The following ICE1 variants were observed in gnomAD, a reference collection of about 807,000 sequenced individuals.
ICE1 encodes interactor of little elongation complex ELL subunit 1.
Under a neutral mutation model 192.7 loss-of-function variants are expected in ICE1, and 64 were observed. The observed-to-expected ratio is 0.33, with a 90% CI of 0.27 to 0.41. The LOEUF (loss-of-function observed/expected upper bound fraction) is 0.41, where lower values mean the gene tolerates loss of function less well. ICE1 is among the 10% of genes least tolerant of loss of function. The pLI, the probability that ICE1 is intolerant of heterozygous loss-of-function variation, is 1.00. For synonymous variants in ICE1, 1,010 were observed against 984.5 expected, an observed-to-expected ratio of 1.03 and a Z score of -0.49; for missense variants, 2,708 against 2,696.0, an observed-to-expected ratio of 1.00 and a Z score of -0.10.
intron 4 of ICE1, 75 bp downstream of exon 4, chr5:5,439,988 A>C (rs559012764): frequency 9.6e-7 from 1 of 1,044,498 alleles, no homozygotes; most frequent in East Asian, 2.9e-5. Context: ...TTATTGGAGC[A>C]GATTTTTAAG....
chr5:5,447,885 A>G lies in ICE1; in HGVS notation c.592A>G (p.Ser198Gly). 8.9e-6 allele frequency: 14 copies of G among 1,570,732 alleles called. No individual in the cohort carries two copies. The highest frequency in any genetic ancestry group is 1.2e-5 in the Non-Finnish European group (14 of 1,155,310). ...ACAAATTTCAAGTGATTCATATGGA[A>G]GCATAGATAAAAGTGAGTATATTGC... ...GTQISSDSYG[S>G]IDKRKVKLLL... Residue 198 changes from serine (S) to glycine (G), a missense_variant, in exon 10 of 19, where the codon AGC becomes GGC. By Grantham distance (56) the Ser-to-Gly change is moderately conservative (BLOSUM62 0). Around this residue, in one of 2 missense-constraint regions of ICE1, gnomAD observed 2,366 missense variants for 2,276.6 expected, o/e 1.04. Transcript: ENST00000296564.
intron 7 of ICE1, 37 bp downstream of exon 7, chr5:5,444,363 G>A (rs1333261441): frequency 4.0e-6 from 6 of 1,490,766 alleles, no homozygotes; most frequent in African/African-American, 1.4e-5. Context: ...TTTTCGGTCA[G>A]TACAAAAATC....
intron 1 of ICE1, among the ~76,000 whole-genome samples, chr5:5,423,864 T>TC (rs2111323440): frequency 6.6e-6 from 1 of 152,336 alleles, no homozygotes; most frequent in South Asian, 2.1e-4. Context: ...ATAGGATCTC[T>TC]CATAAGTAAG....
At position 5,464,042 on chromosome 5, in the gene ICE1, A is replaced by G. The variant is rs375425182; in HGVS notation, c.4708A>G (p.Thr1570Ala). ...NKDQSNKPVK[T>A]SASSRVETHQ... ...AGATCAGTCAAACAAACCAGTAAAAACTTCAGCGTCGAGCAGAGTTGAAAC... is the reference window on the plus strand; with the variant it reads ...AGATCAGTCAAACAAACCAGTAAAAGCTTCAGCGTCGAGCAGAGTTGAAAC... The change falls in exon 13 of 19, where the codon ACT (threonine) becomes GCT (alanine). Residue 1570 changes from threonine to alanine, a missense_variant. Coordinates refer to ENST00000296564, the MANE Select transcript of ICE1 (RefSeq NM_015325.3). The surrounding 1 kb of genome is among the most constrained non-coding windows in gnomAD (Gnocchi z 4.0). 1.9e-6 allele frequency: 3 copies of G among 1,613,560 alleles called. No homozygotes were observed. Among genetic ancestry groups the G allele is most frequent in the East Asian group, 4.5e-5 (2 of 44,882 alleles).
intron 1 of ICE1, among the ~76,000 whole-genome samples, chr5:5,431,811 C>T (rs1737718932): frequency 1.3e-5 from 2 of 151,920 alleles, no homozygotes; most frequent in Admixed American, 6.6e-5. Context: ...AGATTTGCTT[C>T]TGGGAACTTT....
intron 10 of ICE1, among the ~76,000 whole-genome samples, chr5:5,448,758 T>C (rs1738325054): frequency 6.6e-6 from 1 of 152,218 alleles, no homozygotes; most frequent in Admixed American, 6.5e-5. Context: ...TCTTTAATTT[T>C]TTTTTAAAAT....
intron 17 of ICE1, among the ~76,000 whole-genome samples, chr5:5,478,264 T>A (rs998491330): frequency 6.6e-6 from 1 of 152,224 alleles, no homozygotes; most frequent in African/African-American, 2.4e-5. Flanking sequence ...CAGCAAAGTC[T>A]CAGGATACAA....
chr5:5,445,404 T>A (rs1435663955), intron 7 of ICE1, among the ~76,000 whole-genome samples: 3 of 152,162 alleles, frequency 2.0e-5, no homozygotes, highest in African/African-American at 7.2e-5. Context: ...CAAAATTTTT[T>A]TAATTTTTAA....
chr5:5,446,383 C>G (rs1053394499), intron 7 of ICE1, among the ~76,000 whole-genome samples: 1 of 152,120 alleles, frequency 6.6e-6, no homozygotes. Context: ...CAGCCTCAGC[C>G]TCCCAGACTC....
intron 10 of ICE1, 147 bp downstream of exon 10, chr5:5,448,044 A>G: frequency 5.0e-6 from 3 of 598,244 alleles, no homozygotes; most frequent in East Asian, 5.6e-5. Context: ...TTGTGTCTTC[A>G]TTAGATCCAA....
chr5:5,489,234 G>A lies in ICE1; in HGVS notation c.6705G>A (p.Leu2235=). ...PSNPAEISKI[L]EAWRREASKS... is the part of the protein sequence containing the mutation. Reference sequence around the variant, plus strand: ...ATCCAGCAGAAATTTCCAAGATCCTGGAAGCTTGGCGGAGAGAGGCCTCCA... The same window carrying A: ...ATCCAGCAGAAATTTCCAAGATCCTAGAAGCTTGGCGGAGAGAGGCCTCCA... The change falls in exon 19 of 19, where the codon CTG becomes CTA. Residue 2235 remains leucine (L), a synonymous_variant. Transcript: ENST00000296564. 1 of 1,613,960 alleles carries A rather than the reference G, an allele frequency of 6.2e-7. No individual in the cohort carries two copies. The highest frequency in any genetic ancestry group is 1.3e-5 in the African/African-American group (1 of 75,038).
Position 5,468,899 on chromosome 5 carries a change from G to T in ICE1, c.6133G>T (p.Val2045Leu). 1.9e-6 allele frequency: 3 copies of T among 1,606,830 alleles called. No individual in the cohort carries two copies. Among genetic ancestry groups the T allele is most frequent in the African/African-American group, 1.3e-5 (1 of 74,718 alleles). The change falls in exon 15 of 19, where the codon GTG becomes TTG. Residue 2045 changes from valine to leucine, a missense_variant. Transcript: ENST00000296564. The stretch of plus-strand genomic sequence containing the variant: ...GCATGATATATTTCTCTCTCAATCG[G>T]TGATTAATAAAGCAATGCAGTTAGT... Reference protein sequence around the residue: ...MWHDIFLSQSVINKAMQLVAR... With the variant: ...MWHDIFLSQSLINKAMQLVAR...
chr5:5,423,208 C>T (rs1478286251), intron 1 of ICE1, among the ~76,000 whole-genome samples: 1 of 152,128 alleles, frequency 6.6e-6, no homozygotes, highest in African/African-American at 2.4e-5. Flanking sequence ...GCTTGAAACC[C>T]AGAGTTCATT....
At chr5:5,476,878 A>C (rs576933998) in intron 17 of ICE1, among the ~76,000 whole-genome samples, 30 of 152,308 alleles carry the variant, frequency 2.0e-4, no homozygotes, top group African/African-American at 5.5e-4. Flanking sequence ...TTGCTTGATA[A>C]GGGTCACTTA....
intron 10 of ICE1, among the ~76,000 whole-genome samples, chr5:5,452,027 C>T (rs2964160): frequency 0.55 from 83,614 of 151,774 alleles, 23,918 homozygotes; most frequent in Middle Eastern, 0.74. Flanking sequence ...TTGTGATCAT[C>T]TCAATTCAGC....
In ICE1 at chr5:5,461,932, A is replaced by C; in HGVS notation, c.2598A>C (p.Arg866Ser). 6.2e-7 allele frequency: 1 copy of C among 1,613,874 alleles called. No homozygotes were observed. The highest frequency in any genetic ancestry group is 8.5e-7 in the Non-Finnish European group (1 of 1,179,894). Residue 866 changes from arginine (R) to serine (S), a missense_variant, in exon 13 of 19, where the codon AGA becomes AGC. Physicochemically the swap from Arg to Ser is moderately radical, Grantham distance 110. Coordinates refer to ENST00000296564, the MANE Select transcript of ICE1 (RefSeq NM_015325.3). ...NQVSVITKQT[R>S]PEKVQSAKLE... ...TATCAGTTATCACAAAACAGACAAG[A>C]CCTGAAAAGGTTCAGAGTGCCAAAT...
intron 5 of ICE1, among the ~76,000 whole-genome samples, chr5:5,442,197 C>T (rs1212651431): frequency 1.3e-5 from 2 of 152,046 alleles, no homozygotes; most frequent in Admixed American, 1.3e-4. Flanking sequence ...CATTAAAGTC[C>T]ATAGATTTAA....
intron 1 of ICE1, among the ~76,000 whole-genome samples, chr5:5,425,773 AGGG>A (rs1050051926): frequency 6.6e-5 from 10 of 152,190 alleles, no homozygotes; most frequent in African/African-American, 2.4e-4. Flanking sequence ...GATGGATTGA[AGGG>A]GGGTGCAACT....
intron 10 of ICE1, among the ~76,000 whole-genome samples, chr5:5,450,366 G>A (rs184958384): frequency 2.0e-5 from 3 of 152,290 alleles, no homozygotes; most frequent in East Asian, 1.9e-4. Flanking sequence ...AATCCTAGGC[G>A]GTTGAGAGCA....
Sources: allele counts gnomAD v4.1 joint callset (sites outside exome capture counted in the v4.1 genomes callset), GRCh38; gene constraint gnomAD v4.1.1; regional missense constraint gnomAD v4.1.1; non-coding constraint Gnocchi (gnomAD v3.1); transcripts MANE v1.5; gene names NCBI Gene and HGNC (gene_info 2026-07-23, HGNC 2026-07-21).